Variants in TMEM156 observed in about 807,000 individuals in gnomAD.
The protein encoded by TMEM156 is transmembrane protein 156.
A neutral mutation model predicts 30.5 loss-of-function variants in TMEM156; 28 were observed. That is an observed-to-expected ratio of 0.92 (90% CI 0.68 to 1.26). The LOEUF is 1.26. TMEM156 is among the 50% of genes most tolerant of loss of function. The pLI is 0.00. For synonymous variants in TMEM156, 137 were observed against 119.9 expected (o/e 1.14, Z -0.93); for missense variants, 351 against 340.6 (o/e 1.03, Z -0.24).
chr4:39,006,601 C>T (rs1321170393), intron 1 of TMEM156, among the ~76,000 whole-genome samples: 3 of 151,912 alleles, frequency 2.0e-5, no homozygotes, highest in Non-Finnish European at 2.9e-5. Flanking sequence ...TTTAAAGTTT[C>T]GCCTTTCACA....
chr4:39,003,762 A>G (rs925856395), intron 1 of TMEM156, among the ~76,000 whole-genome samples: 1 of 152,084 alleles, frequency 6.6e-6, no homozygotes, highest in Non-Finnish European at 1.5e-5. Flanking sequence ...TACATGAAAA[A>G]CTGATTTCTT....
chr4:39,019,936 C>G (rs1484827411), intron 1 of TMEM156, among the ~76,000 whole-genome samples: 2 of 152,012 alleles, frequency 1.3e-5, no homozygotes, highest in Non-Finnish European at 2.9e-5. Flanking sequence ...ATCCTTTGAC[C>G]AACAACTCTC....
At position 39,006,198 on chromosome 4, in the gene TMEM156, T is replaced by C. The variant is rs530994032; in HGVS notation, c.89-7289A>G. Among the ~76,000 whole-genome samples, 21 of 152,328 alleles carry C rather than the reference T, an allele frequency of 1.4e-4. No homozygotes were observed. In the South Asian group the frequency reaches 3.9e-3, roughly 29 times the overall value. On this transcript the variant is annotated intron_variant, in intron 1 of 6. Transcript: ENST00000381938. ...GGCATGAACCACTGCCTGGCAGTTC[T>C]TTCTTTTTGACACACATTCTGACCA...
At chr4:39,006,123 T>C (rs1252590279) in intron 1 of TMEM156, among the ~76,000 whole-genome samples, 1 of 152,188 alleles carries the variant, frequency 6.6e-6, no homozygotes, top group African/African-American at 2.4e-5. Context: ...CTCAAACTCC[T>C]GACCCCAAGT....
intron 4 of TMEM156, among the ~76,000 whole-genome samples, chr4:38,988,189 C>T (rs966071632): frequency 1.3e-5 from 2 of 152,144 alleles, no homozygotes; most frequent in African/African-American, 4.8e-5. Context: ...GCCTCACACC[C>T]GTCACCTACA....
At chr4:38,973,536 T>A (rs919073488) in intron 5 of TMEM156, among the ~76,000 whole-genome samples, 1 of 152,184 alleles carries the variant, frequency 6.6e-6, no homozygotes, top group Non-Finnish European at 1.5e-5. Flanking sequence ...ATTTTTTAAA[T>A]ATTTTTGTAC....
At chr4:39,019,298 A>C (rs1251469907) in intron 1 of TMEM156, among the ~76,000 whole-genome samples, 1 of 152,128 alleles carries the variant, frequency 6.6e-6, no homozygotes, top group Non-Finnish European at 1.5e-5. Flanking sequence ...TTAGATCTCT[A>C]TTCCAGTTCA....
At chr4:38,982,826 A>T (rs900810772) in intron 5 of TMEM156, among the ~76,000 whole-genome samples, 2 of 152,212 alleles carry the variant, frequency 1.3e-5, no homozygotes. Context: ...TGAACTTTTC[A>T]CTGACCCACA....
intron 2 of TMEM156, among the ~76,000 whole-genome samples, chr4:38,996,712 C>T (rs1342916560): frequency 6.6e-6 from 1 of 152,140 alleles, no homozygotes; most frequent in Non-Finnish European, 1.5e-5. Flanking sequence ...AAATTAAAAA[C>T]AGAACCACCA....
At chr4:39,008,489 G>T (rs769864322) in intron 1 of TMEM156, among the ~76,000 whole-genome samples, 3 of 152,006 alleles carry the variant, frequency 2.0e-5, no homozygotes, top group Non-Finnish European at 2.9e-5. Context: ...CTTCTACATT[G>T]CTGCTTGTGT....
intron 2 of TMEM156, among the ~76,000 whole-genome samples, chr4:38,994,504 C>T (rs1214924506): frequency 6.6e-6 from 1 of 152,164 alleles, no homozygotes; most frequent in Non-Finnish European, 1.5e-5. Flanking sequence ...AGGATTGGAG[C>T]ATCTAAAAGA....
chr4:38,972,676 AT>A (rs768373206), intron 5 of TMEM156, among the ~76,000 whole-genome samples: 29 of 151,960 alleles, frequency 1.9e-4, no homozygotes, highest in Non-Finnish European at 3.5e-4. Context: ...GGAAGAATTT[AT>A]TCTGAATGAG....
In TMEM156 at chr4:38,998,815, C is replaced by G; in HGVS notation, c.183G>C (p.Leu61=). Reference sequence around the variant, plus strand: ...TAATCTGAGTTTCCCTTACTGGTTGCAGAAAAGTCACAAAAGAAAAATTTA... The same window carrying G: ...TAATCTGAGTTTCCCTTACTGGTTGGAGAAAAGTCACAAAAGAAAAATTTA... ...SSLNFSFVTF[L]QPVRETQIIM... Residue 61 remains leucine (L), a synonymous_variant, in exon 2 of 7, where the codon CTG becomes CTC. Transcript: ENST00000381938. 6.2e-7 allele frequency: 1 copy of G among 1,613,636 alleles called. No individual in the cohort carries two copies. Among genetic ancestry groups the G allele is most frequent in the Non-Finnish European group, 8.5e-7 (1 of 1,179,852 alleles).
At chr4:39,019,439 GT>G (rs1478736638) in intron 1 of TMEM156, among the ~76,000 whole-genome samples, 1 of 151,998 alleles carries the variant, frequency 6.6e-6, no homozygotes, top group African/African-American at 2.4e-5. Flanking sequence ...AATAGTCTTT[GT>G]TCCTTGCTCA....
At chr4:38,973,847 T>C (rs1356341435) in intron 5 of TMEM156, among the ~76,000 whole-genome samples, 1 of 152,186 alleles carries the variant, frequency 6.6e-6, no homozygotes, top group Non-Finnish European at 1.5e-5. Context: ...AGAAATATAT[T>C]TTATCATTTT....
At position 39,031,905 on chromosome 4, in the gene TMEM156, A is replaced by AAC. The variant is rs60499521; in HGVS notation, c.88+320_88+321insGT. The stretch of plus-strand genomic sequence containing the variant: ...AAAAAAAAAAATAAAAAATAAAAAA[A>AAC]TAAAAAAAAACTGCTTTGAAGAAAG... On this transcript the variant is annotated intron_variant, in intron 1 of 6. Transcript: ENST00000381938. Among the ~76,000 whole-genome samples the AAC allele has an allele frequency of 7.4e-4, 96 of 129,250 alleles. 12 individuals are homozygous for AAC. The highest frequency in any genetic ancestry group is 2.3e-3 in the African/African-American group (80 of 34,480). The allele number at this position is 129,250 out of a possible 152,430, so 84.8% of individuals were successfully genotyped here.
intron 1 of TMEM156, among the ~76,000 whole-genome samples, chr4:39,030,188 A>AC (rs1385611820): frequency 6.6e-6 from 1 of 151,316 alleles, no homozygotes; most frequent in Non-Finnish European, 1.5e-5. Flanking sequence ...TTAAAAAAAA[A>AC]AAAACAACCC....
chr4:38,978,902 G>C (rs1281517688), intron 5 of TMEM156, among the ~76,000 whole-genome samples: 5 of 152,050 alleles, frequency 3.3e-5, no homozygotes, highest in Non-Finnish European at 7.4e-5. Flanking sequence ...CCCACCTGAG[G>C]CTCCCGAAAT....
chr4:39,014,161 AT>A (rs1714314692), intron 1 of TMEM156, among the ~76,000 whole-genome samples: 1 of 152,236 alleles, frequency 6.6e-6, no homozygotes, highest in African/African-American at 2.4e-5. Flanking sequence ...GTAAAAGACC[AT>A]AGTTTACTGA....
Sources: allele counts gnomAD v4.1 joint callset (sites outside exome capture counted in the v4.1 genomes callset), GRCh38; gene constraint gnomAD v4.1.1; transcripts MANE v1.5; gene names NCBI Gene and HGNC (gene_info 2026-07-23, HGNC 2026-07-21).